The following SSBP3 variants were observed in gnomAD, a reference collection of about 807,000 sequenced individuals.
The protein encoded by SSBP3 is single stranded DNA binding protein 3, also known as single-stranded DNA-binding protein 3.
In SSBP3, 5 loss-of-function variants were observed where a neutral mutation model predicts 69.6. The ratio of observed to expected loss-of-function variants is 0.07; its 90% CI spans 0.04 to 0.15. SSBP3 has a LOEUF of 0.15. Ranked by LOEUF, SSBP3 falls within the 10% of genes least tolerant of loss-of-function variation. The probability of loss-of-function intolerance (pLI) is 1.00; values close to 1 mark genes in which losing one functional copy is unlikely to be tolerated. For synonymous variants in SSBP3, 196 were observed against 193.4 expected, an observed-to-expected ratio of 1.01 and a Z score of -0.11; for missense variants, 312 against 534.0, an observed-to-expected ratio of 0.58 and a Z score of 4.10.
rs1324538262 is a variant in SSBP3 at position 54,362,593 on chromosome 1, G to GC, written c.276+39267dup. ...TCCTCCGGGCAGCCCCTACATAGGC[G>GC]CAAGATATTAGACCAGGAAGGAACA... On this transcript the variant is annotated intron_variant, in intron 4 of 17. Transcript: ENST00000610401. Among the ~76,000 whole-genome samples, 4 of 152,202 alleles carry GC rather than the reference G, an allele frequency of 2.6e-5. No individual in the cohort carries two copies. The East Asian group carries it at 7.7e-4, about 29-fold the overall frequency.
chr1:54,334,066 A>C (rs568710730), intron 4 of SSBP3, among the ~76,000 whole-genome samples: 1 of 151,684 alleles, frequency 6.6e-6, no homozygotes, highest in African/African-American at 2.4e-5. Context: ...AAAAATAAAT[A>C]AAATAGGCCT....
chr1:54,278,640 A>G (rs1178869214), intron 5 of SSBP3, among the ~76,000 whole-genome samples: 1 of 152,176 alleles, frequency 6.6e-6, no homozygotes, highest in Non-Finnish European at 1.5e-5. Flanking sequence ...TGGGGCTTCT[A>G]CATTTAGGAC....
At chr1:54,325,324 G>C (rs1167703717) in intron 4 of SSBP3, 2 of 167,024 alleles carry the variant, frequency 1.2e-5, no homozygotes, top group East Asian at 1.9e-4. Context: ...AAGATGATTT[G>C]TGAGCCTCTG....
chr1:54,406,279 CCGCCCGCACGGCCGCCCGCTCTCCGCT>C (rs1649764815), exon 1 of SSBP3: 1 of 307,516 alleles, frequency 3.3e-6, no homozygotes, highest in South Asian at 1.4e-4. Context: ...GCCGCCGCCG[CCGCCCGCACGGCCGCCCGCTCTCCGCT>C]CGCTCGCGCG....
chr1:54,387,225 G>A (rs1010357437), intron 4 of SSBP3, among the ~76,000 whole-genome samples: 8 of 152,146 alleles, frequency 5.3e-5, no homozygotes, highest in Non-Finnish European at 1.0e-4. Context: ...AGTTTCCAGG[G>A]CACTGGCCAG....
intron 4 of SSBP3, among the ~76,000 whole-genome samples, chr1:54,381,664 G>A (rs1050475557): frequency 6.6e-6 from 1 of 152,138 alleles, no homozygotes; most frequent in South Asian, 2.1e-4. Context: ...ACCCACCCAC[G>A]CTGGGACCAC....
intron 4 of SSBP3, among the ~76,000 whole-genome samples, chr1:54,309,846 G>C (rs192935608): frequency 9.7e-4 from 147 of 152,306 alleles, no homozygotes; most frequent in Admixed American, 2.7e-3. Context: ...ACAAAGAAGA[G>C]GCCAGGTCAC....
intron 4 of SSBP3, among the ~76,000 whole-genome samples, chr1:54,393,128 G>A (rs566703898): frequency 2.0e-5 from 3 of 152,346 alleles, no homozygotes; most frequent in South Asian, 4.1e-4. Flanking sequence ...AAGTCACTAG[G>A]AGAGAAGAAA....
At chr1:54,310,476 T>G (rs150165602) in intron 4 of SSBP3, among the ~76,000 whole-genome samples, 1,524 of 152,252 alleles carry the variant, frequency 0.01, 31 homozygotes, top group African/African-American at 0.035. Context: ...TCCCAGGGGT[T>G]AATTTTAAGA....
intron 4 of SSBP3, among the ~76,000 whole-genome samples, chr1:54,296,493 G>C (rs1166051107): frequency 1.3e-5 from 2 of 152,204 alleles, no homozygotes; most frequent in Non-Finnish European, 2.9e-5. Context: ...CGGTAACTTT[G>C]AATCTACAAC....
intron 3 of SSBP3, 41 bp from the exon 4 acceptor site, chr1:54,401,986 T>C (rs1362277043): frequency 3.7e-5 from 58 of 1,578,204 alleles, no homozygotes; most frequent in Non-Finnish European, 5.0e-5. Context: ...TTACTAATTA[T>C]TACTTGTGTA....
At chr1:54,359,649 A>C (rs1646921339) in intron 4 of SSBP3, among the ~76,000 whole-genome samples, 1 of 152,182 alleles carries the variant, frequency 6.6e-6, no homozygotes, top group Non-Finnish European at 1.5e-5. Context: ...TTTTGTGGCA[A>C]AAGCTGCAGG....
intron 9 of SSBP3, among the ~76,000 whole-genome samples, chr1:54,247,577 A>G (rs1036831215): frequency 6.6e-6 from 1 of 152,202 alleles, no homozygotes; most frequent in Non-Finnish European, 1.5e-5. Flanking sequence ...GGGGTGGCAT[A>G]GGATTGTCCC....
intron 4 of SSBP3, among the ~76,000 whole-genome samples, chr1:54,310,785 TG>T (rs1419715015): frequency 2.0e-5 from 3 of 152,252 alleles, no homozygotes; most frequent in African/African-American, 7.2e-5. Context: ...TTCCACTTGC[TG>T]GTCTTTTCAA....
intron 4 of SSBP3, among the ~76,000 whole-genome samples, chr1:54,316,329 C>T (rs139031078): frequency 4.4e-4 from 66 of 149,240 alleles, no homozygotes; most frequent in African/African-American, 1.2e-3. Context: ...GACGACAGAG[C>T]GAGACTCTGT....
Position 54,242,091 on chromosome 1 carries a change from C to A in SSBP3, c.765+73G>T, listed in dbSNP as rs1025611619. 1.9e-6 allele frequency: 3 copies of A among 1,557,566 alleles called. No homozygotes were observed. The Middle Eastern group carries it at 7.0e-4, about 361-fold the overall frequency. ...TCCCACTTCCCGTGACACCTACACC[C>A]AGGGACAGTAGCTCCCCTGCACCCA... On this transcript the variant is annotated intron_variant, in intron 11 of 17. Coordinates refer to ENST00000610401, the Ensembl canonical transcript of SSBP3.
rs539765982 is a variant in SSBP3, at chr1:54,263,282, C to G, written c.367-5133G>C. On this transcript the variant is annotated intron_variant, in intron 5 of 17. Coordinates refer to ENST00000610401, the Ensembl canonical transcript of SSBP3. ...GCATCAGCAGGACCCCCAGCCCTCC[C>G]GCACGCTCCGGCTAAGTCCCTGCAC... Among the ~76,000 whole-genome samples, 5 of 152,334 alleles carry G rather than the reference C, an allele frequency of 3.3e-5. No individual in the cohort carries two copies. In the East Asian group the frequency reaches 9.6e-4, roughly 29 times the overall value.
intron 4 of SSBP3, among the ~76,000 whole-genome samples, chr1:54,367,275 G>A (rs940181796): frequency 3.3e-5 from 5 of 152,128 alleles, no homozygotes; most frequent in African/African-American, 9.7e-5. Context: ...CTCACCTTCT[G>A]AGAATACCAG....
chr1:54,281,375 C>T (rs948643722), intron 5 of SSBP3, 63 bp downstream of exon 5: 14 of 1,406,138 alleles, frequency 1.0e-5, no homozygotes, highest in African/African-American at 1.4e-5. Flanking sequence ...CGCCCTCCCA[C>T]CTGCCCAGGG....
Sources: gnomAD v4.1 joint callset for allele counts (sites outside exome capture counted in the v4.1 genomes callset) on GRCh38, gnomAD v4.1.1 for gene constraint, MANE v1.5 for transcripts, NCBI Gene and HGNC (gene_info 2026-07-23, HGNC 2026-07-21) for gene names.